Variants in DDX23 observed in about 807,000 individuals in gnomAD.
DDX23 encodes probable ATP-dependent RNA helicase DDX23.
Under a neutral mutation model 102.7 loss-of-function variants are expected in DDX23, and 33 were observed. That is an observed-to-expected ratio of 0.32 (90% CI 0.24 to 0.43). The LOEUF (loss-of-function observed/expected upper bound fraction) is 0.43, where lower values mean the gene tolerates loss of function less well. DDX23 is among the 20% of genes least tolerant of loss of function. The pLI is 1.00. For missense variants in DDX23, 549 were observed against 1,086.6 expected (o/e 0.51, Z 6.96); for synonymous variants, 352 against 376.0 (o/e 0.94, Z 0.74).
In DDX23 at chr12:48,833,620, G is replaced by T. The variant is rs569946817; in HGVS notation, c.1561-101C>A. ...TGGGTGACAGACCTCCAATGCTGAG[G>T]AACTTGGACCCCAACCTCTGGTTAT... On this transcript the variant is annotated intron_variant, in intron 12 of 16. Transcript: ENST00000308025. 4.2e-6 allele frequency: 6 copies of T among 1,433,134 alleles called. No individual in the cohort carries two copies. In the South Asian group the frequency reaches 6.7e-5, roughly 16 times the overall value. 88.8% of individuals were successfully genotyped at this position (1,433,134 alleles called of 1,614,324 possible).
chr12:48,834,437 A>T lies in DDX23; in HGVS notation c.1443T>A (p.Ala481=), dbSNP rs765873390. 6.2e-7 allele frequency: 1 copy of T among 1,614,140 alleles called. No homozygotes were observed. Among genetic ancestry groups the T allele is most frequent in the East Asian group, 2.2e-5 (1 of 44,886 alleles). ...AIILAPTREL[A]QQIEEETIKF... is the part of the protein sequence containing the mutation. ...TGATGGTCTCTTCCTCAATCTGTTG[A>T]GCCAACTCACGGGTGGGAGCCAGGA... is the stretch of plus-strand genomic sequence containing the variant. Residue 481 remains alanine (A), a synonymous_variant, in exon 12 of 17, where the codon GCT becomes GCA. Transcript: ENST00000308025.
At chr12:48,844,365 G>C (rs1233023689) in intron 2 of DDX23, among the ~76,000 whole-genome samples, 2 of 151,210 alleles carry the variant, frequency 1.3e-5, no homozygotes, top group East Asian at 3.9e-4. Context: ...TGCAGCCTCT[G>C]CCTCCCGAGT....
Position 48,835,658 on chromosome 12 carries a change from C to T in DDX23, c.1382+463G>A, listed in dbSNP as rs541387755. Among the ~76,000 whole-genome samples, 448 of 151,860 alleles carry T rather than the reference C, an allele frequency of 3.0e-3. 5 individuals are homozygous for T. The highest frequency in any genetic ancestry group is 9.5e-3 in the African/African-American group (393 of 41,376). On this transcript the variant is annotated intron_variant, in intron 11 of 16. Coordinates refer to ENST00000308025, the MANE Select transcript of DDX23 (RefSeq NM_004818.3). The stretch of plus-strand genomic sequence containing the variant: ...CTGGGAGGAGGAGGTTGCAGTGAGC[C>T]GAGATTGCGCCATTGCACTCCAGCC...
At chr12:48,850,469 A>G (rs1938738009) in intron 1 of DDX23, among the ~76,000 whole-genome samples, 1 of 152,196 alleles carries the variant, frequency 6.6e-6, no homozygotes. Flanking sequence ...TGCAAATCTG[A>G]ACTTAGGGGA....
chr12:48,845,729 C>T lies in DDX23; in HGVS notation c.54G>A (p.Glu18=), dbSNP rs757487508. The change falls in exon 2 of 17, where the codon GAG becomes GAA. Residue 18 remains glutamate, a synonymous_variant. Transcript: ENST00000308025. ...CAGGAGTCCGTGATCGCTTCCTTTC[C>T]TCCTTGGAAGGTGATGCATCACGGT... ...KKDRDASPSK[E]ERKRSRTPDR... 1 of 1,614,114 alleles carries T rather than the reference C, an allele frequency of 6.2e-7. No individual in the cohort carries two copies. The highest frequency in any genetic ancestry group is 8.5e-7 in the Non-Finnish European group (1 of 1,180,056).
At chr12:48,843,464 AAAAT>A (rs970772143) in intron 3 of DDX23, among the ~76,000 whole-genome samples, 4 of 151,468 alleles carry the variant, frequency 2.6e-5, no homozygotes, top group African/African-American at 4.9e-5. Flanking sequence ...CTGCCTCAAA[AAAAT>A]AAATAAAAAT....
intron 2 of DDX23, among the ~76,000 whole-genome samples, chr12:48,844,662 C>CACTGTGT (rs1336324642): frequency 3.4e-5 from 5 of 147,212 alleles, no homozygotes; most frequent in African/African-American, 1.0e-4. Context: ...TAGTAGAGAT[C>CACTGTGT]AGGTATCACT....
intron 11 of DDX23, among the ~76,000 whole-genome samples, chr12:48,835,544 C>A (rs1938457560): frequency 6.6e-6 from 1 of 152,028 alleles, no homozygotes; most frequent in Non-Finnish European, 1.5e-5. Flanking sequence ...CCCGTCTCTA[C>A]TAAAAATACA....
chr12:48,840,221 A>G (rs1299282695), intron 3 of DDX23, 115 bp from the exon 4 acceptor site: 22 of 816,656 alleles, frequency 2.7e-5, no homozygotes, highest in Non-Finnish European at 4.1e-5. Flanking sequence ...AGACTGGCCC[A>G]TGGTCATCTA....
At chr12:48,845,874 G>A (rs1385379112) in intron 1 of DDX23, 92 bp from the exon 2 acceptor site, 2 of 1,342,560 alleles carry the variant, frequency 1.5e-6, no homozygotes, top group Non-Finnish European at 1.0e-6. Context: ...AACCCTATGA[G>A]GTGGATATAT....
chr12:48,849,462 G>A (rs1283391882), intron 1 of DDX23, among the ~76,000 whole-genome samples: 1 of 152,020 alleles, frequency 6.6e-6, no homozygotes, highest in Non-Finnish European at 1.5e-5. Context: ...AGGAGTTCGA[G>A]ACCAGCCTGG....
In DDX23 at chr12:48,830,335, G is replaced by C. The variant is rs935033258; in HGVS notation, c.*134C>G. On this transcript the variant is annotated 3_prime_UTR_variant, in exon 17 of 17. Transcript: ENST00000308025. The surrounding 1 kb of genome is among the most constrained non-coding windows in gnomAD (Gnocchi z 4.9). ...CAGGCCTCCTGACCTGAGGGTCTGGGCTAGGGAGTTGGATTGTTTTCCTAA... is the reference window on the plus strand; with the variant it reads ...CAGGCCTCCTGACCTGAGGGTCTGGCCTAGGGAGTTGGATTGTTTTCCTAA... 10 of 1,095,582 alleles carry C rather than the reference G, an allele frequency of 9.1e-6. No homozygotes were observed. In the African/African-American group the frequency reaches 1.2e-4, roughly 14 times the overall value. The allele number at this position is 1,095,582 out of a possible 1,614,324, so 67.9% of individuals were successfully genotyped here.
rs550994119 is a variant in DDX23, at chr12:48,849,349, T to C, written c.-1+2735A>G. Among the ~76,000 whole-genome samples the C allele has an allele frequency of 5.9e-5, 9 of 152,018 alleles. No homozygotes were observed. In the South Asian group the frequency reaches 1.9e-3, roughly 32 times the overall value. ...TCCCGTCTATTTTGAACAATAAAAT[T>C]TTACATTTATAAACAGTTAAAAATC... On this transcript the variant is annotated intron_variant, in intron 1 of 16. Coordinates refer to ENST00000308025, the MANE Select transcript of DDX23 (RefSeq NM_004818.3).
Position 48,836,328 on chromosome 12 carries a change from T to A in DDX23, c.1237-62A>T. On this transcript the variant is annotated intron_variant, in intron 10 of 16. Transcript: ENST00000308025. This position sits in a 1 kb window ranked among gnomAD's most constrained non-coding sequence, Gnocchi z 6.1. Reference sequence around the variant, plus strand: ...AGAGTTATACCACCTGGGCAACCACTGATAGTAGTAAGCACATCTGCTAGC... The same window carrying A: ...AGAGTTATACCACCTGGGCAACCACAGATAGTAGTAAGCACATCTGCTAGC... The A allele has an allele frequency of 1.9e-6, 3 of 1,572,610 alleles. No homozygotes were observed. The highest frequency in any genetic ancestry group is 2.6e-6 in the Non-Finnish European group (3 of 1,144,308).
intron 3 of DDX23, among the ~76,000 whole-genome samples, chr12:48,840,550 ATT>A (rs747756955): frequency 0.014 from 1,883 of 131,864 alleles, 29 homozygotes; most frequent in African/African-American, 0.047. Flanking sequence ...TTAGAGAAAA[ATT>A]TTTTTTTTTT....
rs1938376479 is a variant in DDX23, at chr12:48,830,895, A to G, written c.2240-203T>C. The stretch of plus-strand genomic sequence containing the variant: ...TCCTACTGACTGTGGTCCCTACCAC[A>G]CTAAGACCCACAGCTGCCTAGCTTC... On this transcript the variant is annotated intron_variant, in intron 16 of 16. Transcript: ENST00000308025. The surrounding 1 kb of genome is among the most constrained non-coding windows in gnomAD (Gnocchi z 4.9). Among the ~76,000 whole-genome samples the G allele has an allele frequency of 6.6e-6, 1 of 152,124 alleles. No individual in the cohort carries two copies. Among genetic ancestry groups the G allele is most frequent in the Non-Finnish European group, 1.5e-5 (1 of 68,010 alleles).
intron 5 of DDX23, chr12:48,839,633 AGAGG>A: frequency 1.8e-6 from 1 of 550,094 alleles, no homozygotes; most frequent in Non-Finnish European, 3.2e-6. Context: ...ACATGTGTAC[AGAGG>A]GAGGACCATG....
chr12:48,831,966 CT>C, intron 15 of DDX23, 111 bp downstream of exon 15: 1 of 973,370 alleles, frequency 1.0e-6, no homozygotes. Flanking sequence ...TTGTTGATTG[CT>C]GGACAGGCTA....
rs906583243 is a variant in DDX23 at position 48,849,665 on chromosome 12, G to GAA, written c.-1+2417_-1+2418dup. Among the ~76,000 whole-genome samples, 515 of 133,946 alleles carry GAA rather than the reference G, an allele frequency of 3.8e-3. 5 individuals are homozygous for GAA. Among genetic ancestry groups the GAA allele is most frequent in the Admixed American group, 7.9e-3 (102 of 12,960 alleles). The allele number at this position is 133,946 out of a possible 152,430, so 87.9% of individuals were successfully genotyped here. ...GAGCAAGACTCCCTCTGTCTCGAGA[G>GAA]AAAAAAAAAAAAAAATCAGCCAGGT... On this transcript the variant is annotated intron_variant, in intron 1 of 16. Transcript: ENST00000308025.
Sources: gnomAD v4.1 joint callset for allele counts (sites outside exome capture counted in the v4.1 genomes callset) on GRCh38, gnomAD v4.1.1 for gene constraint, Gnocchi (gnomAD v3.1) non-coding constraint, MANE v1.5 for transcripts, NCBI Gene and HGNC (gene_info 2026-07-23, HGNC 2026-07-21) for gene names.